FTO: variants seen among roughly 807,000 people sequenced by gnomAD.
FTO encodes alpha-ketoglutarate-dependent dioxygenase FTO.
FTO carries 47 observed loss-of-function variants against 63.9 expected under a neutral mutation model. The ratio of observed to expected loss-of-function variants is 0.74; its 90% CI spans 0.58 to 0.94. The LOEUF (loss-of-function observed/expected upper bound fraction) is 0.94, where lower values mean the gene tolerates loss of function less well. Ranked by LOEUF, FTO falls within the 40% of genes least tolerant of loss-of-function variation. FTO has a pLI of 0.00. For missense variants in FTO, 562 were observed against 618.1 expected (o/e 0.91, Z 0.96); for synonymous variants, 207 against 224.4 (o/e 0.92, Z 0.69).
intron 1 of FTO, among the ~76,000 whole-genome samples, chr16:53,762,680 GAGAA>G (rs962768135): frequency 6.6e-6 from 1 of 152,070 alleles, no homozygotes; most frequent in African/African-American, 2.4e-5. Flanking sequence ...AAGAGAATGA[GAGAA>G]AGAAAGGAAG....
intron 8 of FTO, among the ~76,000 whole-genome samples, chr16:54,108,071 G>A (rs2086796491): frequency 6.6e-6 from 1 of 152,192 alleles, no homozygotes; most frequent in African/African-American, 2.4e-5. Flanking sequence ...TGAAGCATGG[G>A]GAAGGGACAG....
At chr16:53,901,876 A>G (rs1391789351) in intron 7 of FTO, among the ~76,000 whole-genome samples, 2 of 152,146 alleles carry the variant, frequency 1.3e-5, no homozygotes, top group African/African-American at 4.8e-5. Flanking sequence ...CTTCTGAAAG[A>G]TTGCCTTTAC....
At chr16:54,096,338 G>C (rs1223784837) in intron 8 of FTO, among the ~76,000 whole-genome samples, 1 of 152,228 alleles carries the variant, frequency 6.6e-6, no homozygotes, top group Non-Finnish European at 1.5e-5. Flanking sequence ...AGGACACTAT[G>C]ACATCTTTGG....
At chr16:53,776,387 A>G (rs568354612) in intron 1 of FTO, among the ~76,000 whole-genome samples, 22 of 152,298 alleles carry the variant, frequency 1.4e-4, no homozygotes, top group African/African-American at 5.3e-4. Context: ...ATAAAGCCCA[A>G]AGAAATTCAC....
chr16:53,783,305 C>T (rs1361234519), intron 1 of FTO, among the ~76,000 whole-genome samples: 2 of 151,942 alleles, frequency 1.3e-5, no homozygotes, highest in Non-Finnish European at 2.9e-5. Context: ...GTTGGTGAAA[C>T]ACTGTCTCTA....
intron 1 of FTO, among the ~76,000 whole-genome samples, chr16:53,734,332 C>G (rs186275484): frequency 6.6e-6 from 1 of 152,280 alleles, no homozygotes; most frequent in East Asian, 1.9e-4. Flanking sequence ...ACTGTCATTT[C>G]TGTTCTGAAT....
At chr16:53,814,971 A>G (rs531958591) in intron 2 of FTO, 2 of 152,276 alleles carry the variant, frequency 1.3e-5, no homozygotes, top group East Asian at 1.9e-4. Flanking sequence ...TGTTGGAAGA[A>G]TGTTCTGGGC....
intron 2 of FTO, among the ~76,000 whole-genome samples, chr16:53,818,363 AT>A (rs919664791): frequency 3.9e-5 from 6 of 152,072 alleles, no homozygotes; most frequent in African/African-American, 1.4e-4. Context: ...TAGACTGAAA[AT>A]TCCTCAGTCT....
At chr16:53,819,155 T>C (rs1386247488) in intron 2 of FTO, among the ~76,000 whole-genome samples, 1 of 152,144 alleles carries the variant, frequency 6.6e-6, no homozygotes, top group Non-Finnish European at 1.5e-5. Context: ...TAATACAAAT[T>C]ATATATTTTC....
At chr16:53,751,184 G>GT (rs1483027735) in intron 1 of FTO, among the ~76,000 whole-genome samples, 1 of 74,662 alleles carries the variant, frequency 1.3e-5, no homozygotes, top group Non-Finnish European at 2.4e-5. Flanking sequence ...CAAGGCGAGA[G>GT]ATCACTTGAG....
In FTO at chr16:54,009,951, TA is replaced by T. The variant is rs777615512; in HGVS notation, c.1364+75845del. ...TGTAAAGTGATGTTTCCCATACTCATAAACTTACATAGCAATGAGGAACTGG... is the reference window on the plus strand; with the variant it reads ...TGTAAAGTGATGTTTCCCATACTCATAACTTACATAGCAATGAGGAACTGG... On this transcript the variant is annotated intron_variant, in intron 8 of 8. Coordinates refer to ENST00000471389, the MANE Select transcript of FTO (RefSeq NM_001080432.3). Among the ~76,000 whole-genome samples the T allele has an allele frequency of 4.6e-5, 7 of 152,288 alleles. No individual in the cohort carries two copies. In the East Asian group the frequency reaches 9.7e-4, roughly 21 times the overall value.
chr16:53,911,368 G>A, intron 7 of FTO: 3 of 703,250 alleles, frequency 4.3e-6, no homozygotes, highest in Non-Finnish European at 7.8e-6. Context: ...AGGACCAGGA[G>A]TAGGTGGTAG....
At chr16:53,736,741 C>G (rs1251305369) in intron 1 of FTO, among the ~76,000 whole-genome samples, 1 of 151,978 alleles carries the variant, frequency 6.6e-6, no homozygotes, top group Non-Finnish European at 1.5e-5. Context: ...TAAATGTATC[C>G]CTTTTGGCTG....
chr16:53,923,539 C>T (rs1213193626), intron 7 of FTO, among the ~76,000 whole-genome samples: 2 of 152,174 alleles, frequency 1.3e-5, no homozygotes, highest in African/African-American at 2.4e-5. Flanking sequence ...TTTAGTTGTA[C>T]CTGTGCCAGT....
At chr16:54,016,958 A>G (rs1164127426) in intron 8 of FTO, among the ~76,000 whole-genome samples, 6 of 152,178 alleles carry the variant, frequency 3.9e-5, no homozygotes, top group African/African-American at 7.2e-5. Context: ...TAAGAACTCA[A>G]TCTTGATTAT....
rs561707004 is a variant in FTO at position 54,085,287 on chromosome 16, C to A, written c.1365-26475C>A. Among the ~76,000 whole-genome samples, 3 of 152,296 alleles carry A rather than the reference C, an allele frequency of 2.0e-5. No homozygotes were observed. In the East Asian group the frequency reaches 5.8e-4, roughly 29 times the overall value. ...TTATTCTTTTGGCTGTGACATTTAACCCTTCCCAAGACAAATTTTCTATAG... is the reference window on the plus strand; with the variant it reads ...TTATTCTTTTGGCTGTGACATTTAAACCTTCCCAAGACAAATTTTCTATAG... On this transcript the variant is annotated intron_variant, in intron 8 of 8. Transcript: ENST00000471389.
intron 3 of FTO, among the ~76,000 whole-genome samples, chr16:53,842,793 C>A (rs534167812): frequency 6.6e-6 from 1 of 152,288 alleles, no homozygotes; most frequent in Admixed American, 6.5e-5. Flanking sequence ...CCCACCTCAG[C>A]CTCCTGAGTA....
chr16:53,751,374 C>T (rs1031001286), intron 1 of FTO, among the ~76,000 whole-genome samples: 7 of 152,158 alleles, frequency 4.6e-5, no homozygotes, highest in African/African-American at 1.7e-4. Context: ...AGGAGAATGG[C>T]ATGAACCCGG....
rs140528082 is a variant in FTO at position 53,853,113 on chromosome 16, C to T, written c.895+8815C>T. Among the ~76,000 whole-genome samples the T allele has an allele frequency of 7.9e-3, 1,200 of 152,158 alleles. 9 individuals carry two copies. The highest frequency in any genetic ancestry group is 0.02 in the African/African-American group (843 of 41,524). ...TTTGAGACCAGCCTGGCCAACATGG[C>T]GAAACCCCATCTCTACTAAAAATAC... On this transcript the variant is annotated intron_variant, in intron 4 of 8. Transcript: ENST00000471389.
Sources: gnomAD v4.1 joint callset for allele counts (sites outside exome capture counted in the v4.1 genomes callset) on GRCh38, gnomAD v4.1.1 for gene constraint, MANE v1.5 for transcripts, NCBI Gene and HGNC (gene_info 2026-07-23, HGNC 2026-07-21) for gene names.